The following TRIO variants were observed in gnomAD, a reference collection of about 807,000 sequenced individuals.
The protein encoded by TRIO is trio Rho guanine nucleotide exchange factor.
A neutral mutation model predicts 351.9 loss-of-function variants in TRIO; 58 were observed. The ratio of observed to expected loss-of-function variants is 0.16; its 90% CI spans 0.13 to 0.21. The LOEUF (loss-of-function observed/expected upper bound fraction) is 0.21, where lower values mean the gene tolerates loss of function less well. TRIO is among the 10% of genes least tolerant of loss of function. The probability of loss-of-function intolerance (pLI) is 1.00; values close to 1 mark genes in which losing one functional copy is unlikely to be tolerated. For synonymous variants in TRIO, 1,758 were observed against 1,595.7 expected, an observed-to-expected ratio of 1.10 and a Z score of -2.42; for missense variants, 3,201 against 4,027.8, an observed-to-expected ratio of 0.79 and a Z score of 5.56.
chr5:14,152,197 A>T (rs1269016236), intron 1 of TRIO, among the ~76,000 whole-genome samples: 1 of 152,218 alleles, frequency 6.6e-6, no homozygotes, highest in East Asian at 1.9e-4. Context: ...GTGGCTTTTT[A>T]AAAAATTTAA....
At chr5:14,191,212 G>A (rs1287122853) in intron 1 of TRIO, among the ~76,000 whole-genome samples, 1 of 152,146 alleles carries the variant, frequency 6.6e-6, no homozygotes, top group Non-Finnish European at 1.5e-5. Flanking sequence ...AGACCAATAT[G>A]ACCTAGTTGG....
rs531534857 is a variant in TRIO, at chr5:14,253,429, C to T, written c.158-17396C>T. Among the ~76,000 whole-genome samples, 15 of 152,302 alleles carry T rather than the reference C, an allele frequency of 9.8e-5. No individual in the cohort carries two copies. In the East Asian group the frequency reaches 1.7e-3, roughly 18 times the overall value. On this transcript the variant is annotated intron_variant, in intron 1 of 56. Coordinates refer to ENST00000344204, the MANE Select transcript of TRIO (RefSeq NM_007118.4). ...GGAGTGCAGTGGCATGATCTTGGTG[C>T]GCTGCACCCTCTGCCTCCTGGGCTC...
intron 39 of TRIO, among the ~76,000 whole-genome samples, chr5:14,473,485 G>C (rs1174161162): frequency 7.2e-5 from 11 of 152,170 alleles, no homozygotes; most frequent in Admixed American, 6.5e-4. Context: ...AGAGGTTCTT[G>C]TACAGACTTA....
chr5:14,143,709 C>T lies in TRIO; in HGVS notation c.-17C>T, dbSNP rs1787313742. ...GCGGGGCCCGAGGCGGGCGCGGCCG[C>T]GGGCGCCGCCGCAGCCATGAGCGGC... is the stretch of plus-strand genomic sequence containing the variant. On this transcript the variant is annotated 5_prime_UTR_variant, in exon 1 of 57. Coordinates refer to ENST00000344204, the MANE Select transcript of TRIO (RefSeq NM_007118.4). 1 of 976,066 alleles carries T rather than the reference C, an allele frequency of 1.0e-6. No homozygotes were observed. The highest frequency in any genetic ancestry group is 1.2e-6 in the Non-Finnish European group (1 of 825,314). 60.5% of individuals were successfully genotyped at this position (976,066 alleles called of 1,614,324 possible).
intron 1 of TRIO, among the ~76,000 whole-genome samples, chr5:14,187,472 A>G (rs1790192487): frequency 6.6e-6 from 1 of 152,132 alleles, no homozygotes; most frequent in Non-Finnish European, 1.5e-5. Flanking sequence ...AGTCCTTAAC[A>G]TGACATCTCC....
rs1397240280 is a variant in TRIO at position 14,394,857 on chromosome 5, A to G, written c.4311+727A>G. Among the ~76,000 whole-genome samples the G allele has an allele frequency of 3.3e-5, 5 of 151,070 alleles. No homozygotes were observed. The East Asian group carries it at 5.8e-4, about 17-fold the overall frequency. The stretch of plus-strand genomic sequence containing the variant: ...GTCACAAAATGTATTTTATTTTTAT[A>G]TTATATATCATCAATACACATTTTC... On this transcript the variant is annotated intron_variant, in intron 28 of 56. Transcript: ENST00000344204.
At chr5:14,202,869 T>G (rs568694393) in intron 1 of TRIO, among the ~76,000 whole-genome samples, 3 of 151,934 alleles carry the variant, frequency 2.0e-5, no homozygotes, top group Non-Finnish European at 4.4e-5. Flanking sequence ...TCTTTATAAA[T>G]TACCCAGTCT....
intron 8 of TRIO, 65 bp from the exon 9 acceptor site, chr5:14,316,448 C>A: frequency 6.5e-7 from 1 of 1,536,288 alleles, no homozygotes; most frequent in South Asian, 1.2e-5. Context: ...CCAAGGACAG[C>A]ATCTGTGGCA....
Position 14,421,227 on chromosome 5 carries a change from A to ATTTATTTATTTTAT in TRIO, c.5203+1213_5203+1214insATTTTATTTTATTT, listed in dbSNP as rs57377021. ...TTTTCCCTTATTTAATTATTTATTT[A>ATTTATTTATTTTAT]TTTATTTTATTTTATTTTATTTTAT... is the stretch of plus-strand genomic sequence containing the variant. On this transcript the variant is annotated intron_variant, in intron 34 of 56. Transcript: ENST00000344204. Among the ~76,000 whole-genome samples the ATTTATTTATTTTAT allele has an allele frequency of 7.5e-3, 883 of 117,988 alleles. 13 individuals are homozygous for ATTTATTTATTTTAT. The highest frequency in any genetic ancestry group is 0.027 in the African/African-American group (814 of 29,630). 77.4% of individuals were successfully genotyped at this position (117,988 alleles called of 152,430 possible).
intron 1 of TRIO, among the ~76,000 whole-genome samples, chr5:14,228,454 T>C (rs1793185794): frequency 2.0e-5 from 3 of 152,204 alleles, no homozygotes; most frequent in Non-Finnish European, 4.4e-5. Flanking sequence ...AGAAAGTGCA[T>C]AGCATAACTG....
intron 6 of TRIO, among the ~76,000 whole-genome samples, chr5:14,296,699 A>G (rs1367114110): frequency 1.3e-5 from 2 of 152,134 alleles, no homozygotes; most frequent in East Asian, 1.9e-4. Flanking sequence ...TGGGTCCCTC[A>G]GTTCTCTGTG....
intron 1 of TRIO, among the ~76,000 whole-genome samples, chr5:14,211,854 TA>T (rs979111716): frequency 2.0e-5 from 3 of 151,694 alleles, no homozygotes; most frequent in Non-Finnish European, 4.4e-5. Context: ...CTCACATCTG[TA>T]ATCCCATCAA....
intron 46 of TRIO, among the ~76,000 whole-genome samples, chr5:14,483,881 G>A (rs1755720091): frequency 6.6e-6 from 1 of 152,116 alleles, no homozygotes; most frequent in South Asian, 2.1e-4. Context: ...CCCATCCCCT[G>A]GACGGCAGCC....
intron 15 of TRIO, 78 bp from the exon 16 acceptor site, chr5:14,366,782 G>A (rs1355041861): frequency 2.5e-6 from 4 of 1,596,382 alleles, no homozygotes; most frequent in South Asian, 1.1e-5. Context: ...TATCTTGCAC[G>A]CTTGTATCTC....
intron 1 of TRIO, among the ~76,000 whole-genome samples, chr5:14,239,215 G>A (rs74796223): frequency 0.039 from 5,941 of 152,122 alleles, 404 homozygotes; most frequent in African/African-American, 0.14. Flanking sequence ...ACTTCTTTTT[G>A]ATAGGAAGTC....
At chr5:14,187,513 ACT>A (rs1473618425) in intron 1 of TRIO, among the ~76,000 whole-genome samples, 1 of 152,056 alleles carries the variant, frequency 6.6e-6, no homozygotes, top group South Asian at 2.1e-4. Flanking sequence ...AGTACCTTTG[ACT>A]CTGTTTTTGA....
Position 14,437,757 on chromosome 5 carries a change from A to G in TRIO, c.5203+17736A>G, listed in dbSNP as rs561708062. On this transcript the variant is annotated intron_variant, in intron 34 of 56. Coordinates refer to ENST00000344204, the MANE Select transcript of TRIO (RefSeq NM_007118.4). The stretch of plus-strand genomic sequence containing the variant: ...AATTTCCGCCTCAAAGCACAGTCGC[A>G]TTCCAAGGTCCAGGGCTTGGGACAT... 2.7e-5 allele frequency among the ~76,000 whole-genome samples: 4 copies of G among 147,760 alleles called. No individual in the cohort carries two copies. The South Asian group carries it at 8.5e-4, about 31-fold the overall frequency.
At chr5:14,239,691 A>G (rs904853412) in intron 1 of TRIO, among the ~76,000 whole-genome samples, 8 of 152,184 alleles carry the variant, frequency 5.3e-5, no homozygotes, top group Admixed American at 6.5e-5. Context: ...AAAAACCCAC[A>G]TTCTTTCCAC....
chr5:14,216,336 A>G (rs985425764), intron 1 of TRIO, among the ~76,000 whole-genome samples: 4 of 152,236 alleles, frequency 2.6e-5, no homozygotes, highest in South Asian at 2.1e-4. Context: ...CCAGCCATAG[A>G]ATTCACACTT....
Sources: allele counts gnomAD v4.1 joint callset (sites outside exome capture counted in the v4.1 genomes callset), GRCh38; gene constraint gnomAD v4.1.1; transcripts MANE v1.5; gene names NCBI Gene and HGNC (gene_info 2026-07-23, HGNC 2026-07-21).